Variants in CDIN1 observed in about 807,000 individuals in gnomAD.
The protein encoded by CDIN1 is CDAN1-interacting nuclease 1.
Under a neutral mutation model 45.3 loss-of-function variants are expected in CDIN1, and 33 were observed. The observed-to-expected ratio is 0.73, with a 90% CI of 0.55 to 0.97. The LOEUF is 0.97. Among genes scored for constraint, CDIN1 ranks in the 50% least tolerant of loss-of-function variants. The probability of loss-of-function intolerance (pLI) is 0.00; values close to 1 mark genes in which losing one functional copy is unlikely to be tolerated. For synonymous variants in CDIN1, 118 were observed against 124.4 expected (o/e 0.95, Z 0.34); for missense variants, 303 against 339.4 (o/e 0.89, Z 0.84).
intron 1 of CDIN1, among the ~76,000 whole-genome samples, chr15:36,637,532 G>A (rs1289948318): frequency 5.9e-5 from 9 of 152,118 alleles, no homozygotes; most frequent in African/African-American, 1.4e-4. Flanking sequence ...GTTTAAAGTC[G>A]TTACAAACAC....
intron 1 of CDIN1, among the ~76,000 whole-genome samples, chr15:36,622,224 G>C (rs758861464): frequency 6.6e-6 from 1 of 152,142 alleles, no homozygotes; most frequent in East Asian, 1.9e-4. Context: ...ATGCAAAATA[G>C]GTCTTCTGGC....
chr15:36,668,895 G>A (rs2041346784), intron 5 of CDIN1: 1 of 151,944 alleles, frequency 6.6e-6, no homozygotes, highest in South Asian at 2.1e-4. Flanking sequence ...AAATTGCCTG[G>A]CATGTTACTT....
At chr15:36,672,607 G>A (rs1396694893) in intron 5 of CDIN1, among the ~76,000 whole-genome samples, 16 of 151,640 alleles carry the variant, frequency 1.1e-4, no homozygotes, top group Non-Finnish European at 2.2e-4. Context: ...TAATTTGATC[G>A]ATTTGGTTGG....
At chr15:36,780,221 A>G (rs1018996609) in intron 10 of CDIN1, among the ~76,000 whole-genome samples, 3 of 152,148 alleles carry the variant, frequency 2.0e-5, no homozygotes, top group African/African-American at 7.2e-5. Flanking sequence ...AGGAAAAGAG[A>G]ATGGCAGTCT....
chr15:36,692,004 G>A (rs1247815380), intron 6 of CDIN1, 122 bp from the exon 7 acceptor site: 1 of 730,008 alleles, frequency 1.4e-6, no homozygotes, highest in African/African-American at 2.7e-5. Context: ...CCTTTTGATA[G>A]CTTTCTTTTT....
chr15:36,725,733 C>T (rs966004661), intron 10 of CDIN1, among the ~76,000 whole-genome samples: 2 of 152,002 alleles, frequency 1.3e-5, no homozygotes, highest in Non-Finnish European at 2.9e-5. Flanking sequence ...TGAAGTGGGG[C>T]TTTGACTGGT....
chr15:36,644,418 T>C (rs1410686154), intron 2 of CDIN1, 95 bp downstream of exon 2: 2 of 1,365,158 alleles, frequency 1.5e-6, no homozygotes, highest in African/African-American at 1.5e-5. Flanking sequence ...AGCTCTCTGA[T>C]TGGGTTGGAG....
intron 10 of CDIN1, among the ~76,000 whole-genome samples, chr15:36,765,090 C>T (rs1360361888): frequency 1.4e-5 from 2 of 145,546 alleles, no homozygotes; most frequent in African/African-American, 5.2e-5. Context: ...GAGTCTCGCT[C>T]CGTCATTCAG....
intron 10 of CDIN1, among the ~76,000 whole-genome samples, chr15:36,787,643 A>G (rs1334250119): frequency 6.6e-6 from 1 of 152,226 alleles, no homozygotes; most frequent in Non-Finnish European, 1.5e-5. Context: ...TTGTTCTTAT[A>G]GCACTATTGT....
At chr15:36,632,066 C>T (rs1277623298) in intron 1 of CDIN1, among the ~76,000 whole-genome samples, 2 of 152,150 alleles carry the variant, frequency 1.3e-5, no homozygotes, top group African/African-American at 4.8e-5. Flanking sequence ...AACTCCTCAG[C>T]TCAAGTGATT....
intron 1 of CDIN1, among the ~76,000 whole-genome samples, chr15:36,595,810 A>C (rs1385593647): frequency 6.6e-6 from 1 of 152,210 alleles, no homozygotes; most frequent in Middle Eastern, 3.2e-3. Flanking sequence ...TGGGAGATGA[A>C]TAGAGCTTAC....
intron 10 of CDIN1, among the ~76,000 whole-genome samples, chr15:36,775,941 C>G (rs2054207792): frequency 6.6e-6 from 1 of 152,110 alleles, no homozygotes; most frequent in Non-Finnish European, 1.5e-5. Flanking sequence ...TAGAACTATT[C>G]TAGTAATCGA....
intron 10 of CDIN1, among the ~76,000 whole-genome samples, chr15:36,783,335 G>A (rs1042153926): frequency 1.1e-4 from 15 of 132,258 alleles, no homozygotes; most frequent in Admixed American, 8.7e-4. Flanking sequence ...AACATATGTT[G>A]GGATTGGAGT....
At chr15:36,803,476 G>A (rs2055116853) in intron 10 of CDIN1, among the ~76,000 whole-genome samples, 1 of 152,084 alleles carries the variant, frequency 6.6e-6, no homozygotes, top group South Asian at 2.1e-4. Context: ...GCAGGATTTT[G>A]TGTAAACATT....
intron 3 of CDIN1, among the ~76,000 whole-genome samples, chr15:36,649,620 T>G (rs1354600575): frequency 4.6e-5 from 7 of 152,238 alleles, no homozygotes; most frequent in Non-Finnish European, 8.8e-5. Context: ...TTCTCCATGC[T>G]GTGGCCTAAG....
At chr15:36,648,243 A>T (rs1396656260) in intron 3 of CDIN1, among the ~76,000 whole-genome samples, 3 of 152,042 alleles carry the variant, frequency 2.0e-5, no homozygotes, top group Non-Finnish European at 4.4e-5. Context: ...TTTTATATTG[A>T]TGAGGTCATA....
intron 5 of CDIN1, among the ~76,000 whole-genome samples, chr15:36,663,640 G>A (rs930971712): frequency 1.3e-5 from 2 of 152,142 alleles, no homozygotes; most frequent in Non-Finnish European, 2.9e-5. Flanking sequence ...CCATCATCGT[G>A]CTGAACTGTG....
chr15:36,648,310 ATAT>A lies in CDIN1; in HGVS notation c.212+3028_212+3030del, dbSNP rs1484616834. Among the ~76,000 whole-genome samples the A allele has an allele frequency of 5.3e-5, 8 of 152,080 alleles. No homozygotes were observed. The East Asian group carries it at 1.5e-3, about 29-fold the overall frequency. ...CACCTGGAAAAATGTATATGATATA[ATAT>A]TATTTTGTAAAAAGCGTTTTGTAAA... is the stretch of plus-strand genomic sequence containing the variant. On this transcript the variant is annotated intron_variant, in intron 3 of 10. Coordinates refer to ENST00000566621, the MANE Select transcript of CDIN1 (RefSeq NM_001321759.2).
chr15:36,765,050 TTTCTTTCTTTC>T (rs1417531029), intron 10 of CDIN1, among the ~76,000 whole-genome samples: 1 of 84,690 alleles, frequency 1.2e-5, no homozygotes, highest in Non-Finnish European at 2.6e-5. Context: ...TTCTTTTATT[TTTCTTTCTTTC>T]TTTTTTTTTT....
Sources: gnomAD v4.1 joint callset for allele counts (sites outside exome capture counted in the v4.1 genomes callset) on GRCh38, gnomAD v4.1.1 for gene constraint, MANE v1.5 for transcripts, NCBI Gene and HGNC (gene_info 2026-07-23, HGNC 2026-07-21) for gene names.